Variants in CPNE4 observed in about 807,000 individuals in gnomAD.
The protein encoded by CPNE4 is copine 4.
CPNE4 carries 25 observed loss-of-function variants against 67.9 expected under a neutral mutation model. The observed-to-expected ratio is 0.37, with a 90% CI of 0.27 to 0.51. The LOEUF (loss-of-function observed/expected upper bound fraction) is 0.51, where lower values mean the gene tolerates loss of function less well. Among genes scored for constraint, CPNE4 ranks in the 20% least tolerant of loss-of-function variants. The pLI, the probability that CPNE4 is intolerant of heterozygous loss-of-function variation, is 0.93. For missense variants in CPNE4, 464 were observed against 690.8 expected (o/e 0.67, Z 3.68); for synonymous variants, 242 against 244.9 (o/e 0.99, Z 0.11).
At chr3:131,674,007 T>C (rs996988995) in intron 6 of CPNE4, among the ~76,000 whole-genome samples, 4 of 71,766 alleles carry the variant, frequency 5.6e-5, no homozygotes, top group African/African-American at 1.4e-4. Context: ...GTTTTTTGCA[T>C]TTTTTTTTAT....
intron 2 of CPNE4, among the ~76,000 whole-genome samples, chr3:131,825,314 G>A (rs1228546858): frequency 6.6e-6 from 1 of 152,000 alleles, no homozygotes; most frequent in East Asian, 1.9e-4. Context: ...TGACCAACAT[G>A]GTAAAACCCT....
At chr3:131,574,094 C>G (rs1315690508) in intron 10 of CPNE4, among the ~76,000 whole-genome samples, 2 of 152,196 alleles carry the variant, frequency 1.3e-5, no homozygotes, top group East Asian at 3.9e-4. Flanking sequence ...CCCGTCTACT[C>G]TCTTGGGCCC....
chr3:131,738,958 G>A (rs778294626), intron 2 of CPNE4, among the ~76,000 whole-genome samples: 7 of 151,222 alleles, frequency 4.6e-5, no homozygotes, highest in Non-Finnish European at 7.4e-5. Flanking sequence ...AGGGTCAAGC[G>A]ATTCTCCTGC....
intron 2 of CPNE4, among the ~76,000 whole-genome samples, chr3:131,771,239 T>C (rs1233414401): frequency 1.3e-5 from 2 of 152,194 alleles, no homozygotes; most frequent in East Asian, 1.9e-4. Flanking sequence ...TTGTTTCTAT[T>C]TGTTTTAGAT....
At chr3:131,620,305 A>G (rs1002963338) in intron 7 of CPNE4, 20 of 198,494 alleles carry the variant, frequency 1.0e-4, no homozygotes, top group Non-Finnish European at 1.7e-4. Flanking sequence ...CAAGAAAATG[A>G]TTTAAGGAGA....
At chr3:131,672,179 A>ATTCC (rs2080435852) in intron 6 of CPNE4, among the ~76,000 whole-genome samples, 1 of 152,128 alleles carries the variant, frequency 6.6e-6, no homozygotes. Flanking sequence ...TAGAGTACGG[A>ATTCC]ATAGTACTCC....
At chr3:131,584,747 CCA>C (rs764714864) in intron 8 of CPNE4, among the ~76,000 whole-genome samples, 1 of 152,166 alleles carries the variant, frequency 6.6e-6, no homozygotes, top group Non-Finnish European at 1.5e-5. Context: ...AATATAGTAG[CCA>C]CCAGCCACAT....
At chr3:131,823,995 T>C (rs1169997054) in intron 2 of CPNE4, among the ~76,000 whole-genome samples, 1 of 152,230 alleles carries the variant, frequency 6.6e-6, no homozygotes, top group Non-Finnish European at 1.5e-5. Context: ...GGCTTGTTTC[T>C]TGATTCAGAG....
At chr3:131,909,031 G>A (rs575976699) in intron 1 of CPNE4, among the ~76,000 whole-genome samples, 2 of 152,222 alleles carry the variant, frequency 1.3e-5, no homozygotes, top group South Asian at 4.1e-4. Context: ...AAAACTCTTA[G>A]ATGTCTCACT....
At chr3:131,826,286 A>G (rs1214826913) in intron 2 of CPNE4, among the ~76,000 whole-genome samples, 1 of 151,956 alleles carries the variant, frequency 6.6e-6, no homozygotes, top group Non-Finnish European at 1.5e-5. Context: ...CCCTCCACCC[A>G]CCAGACTCAA....
intron 2 of CPNE4, among the ~76,000 whole-genome samples, chr3:131,782,361 A>T (rs1163198800): frequency 6.6e-6 from 1 of 152,140 alleles, no homozygotes; most frequent in Non-Finnish European, 1.5e-5. Flanking sequence ...TATGTTATGA[A>T]CACTTTAGAA....
chr3:131,766,771 C>T (rs773557153), intron 2 of CPNE4, among the ~76,000 whole-genome samples: 7 of 152,094 alleles, frequency 4.6e-5, no homozygotes, highest in African/African-American at 1.2e-4. Context: ...GTAATGAAAT[C>T]GCAAGTCACA....
chr3:131,755,896 C>A (rs145036573), intron 2 of CPNE4, among the ~76,000 whole-genome samples: 1 of 152,148 alleles, frequency 6.6e-6, no homozygotes, highest in Admixed American at 6.5e-5. Context: ...AACTGCAAAC[C>A]TTTCCTGGCA....
At chr3:131,898,041 A>G (rs182084685) in intron 2 of CPNE4, among the ~76,000 whole-genome samples, 1 of 152,274 alleles carries the variant, frequency 6.6e-6, no homozygotes, top group African/African-American at 2.4e-5. Context: ...CAATATATTT[A>G]AGGTATTATA....
intron 2 of CPNE4, among the ~76,000 whole-genome samples, chr3:131,900,338 A>G (rs564425222): frequency 1.3e-5 from 2 of 152,252 alleles, no homozygotes; most frequent in Admixed American, 1.3e-4. Context: ...AAGACAGGCA[A>G]TAACAAATGG....
At chr3:131,855,816 T>C (rs1207531815) in intron 2 of CPNE4, among the ~76,000 whole-genome samples, 1 of 152,004 alleles carries the variant, frequency 6.6e-6, no homozygotes, top group African/African-American at 2.4e-5. Context: ...AAATCCGTCA[T>C]CATATATCTG....
intron 2 of CPNE4, among the ~76,000 whole-genome samples, chr3:131,785,301 A>G (rs2083528379): frequency 6.6e-6 from 1 of 152,050 alleles, no homozygotes; most frequent in Non-Finnish European, 1.5e-5. Context: ...TCAAACATAC[A>G]AGCTATAGTC....
At chr3:132,030,611 AAT>A (rs1163081141) in intron 1 of CPNE4, among the ~76,000 whole-genome samples, 1 of 152,176 alleles carries the variant, frequency 6.6e-6, no homozygotes. Context: ...TCCAACCCTC[AAT>A]ATTTACTGAG....
At chr3:132,002,897 T>C (rs889704686) in intron 1 of CPNE4, among the ~76,000 whole-genome samples, 4 of 152,078 alleles carry the variant, frequency 2.6e-5, no homozygotes, top group Non-Finnish European at 4.4e-5. Context: ...CAGCTGTCAG[T>C]TAAGTCCTTA....
Sources: gnomAD v4.1 joint callset for allele counts (sites outside exome capture counted in the v4.1 genomes callset) on GRCh38, gnomAD v4.1.1 for gene constraint, MANE v1.5 for transcripts, NCBI Gene and HGNC (gene_info 2026-07-23, HGNC 2026-07-21) for gene names.